PALLD: variants seen among roughly 807,000 people sequenced by gnomAD.
PALLD encodes palladin.
PALLD carries 61 observed loss-of-function variants against 123.5 expected under a neutral mutation model. That is an observed-to-expected ratio of 0.49 (90% CI 0.40 to 0.61). PALLD has a LOEUF of 0.61. Ranked by LOEUF, PALLD falls within the 20% of genes least tolerant of loss-of-function variation. PALLD has a pLI of 0.00. For synonymous variants in PALLD, 465 were observed against 496.4 expected (o/e 0.94, Z 0.84); for missense variants, 1,273 against 1,377.0 (o/e 0.92, Z 1.20).
intron 2 of PALLD, among the ~76,000 whole-genome samples, chr4:168,549,471 G>C (rs1469941600): frequency 6.6e-6 from 1 of 152,078 alleles, no homozygotes; most frequent in Non-Finnish European, 1.5e-5. Context: ...AAGTAAACAA[G>C]ATAGCATTAA....
intron 11 of PALLD, 118 bp downstream of exon 11, chr4:168,891,175 AT>A: frequency 9.4e-7 from 1 of 1,064,094 alleles, no homozygotes; most frequent in Non-Finnish European, 1.4e-6. Context: ...TATTATTATT[AT>A]TTTTGAGACA....
In PALLD at chr4:168,625,502, G is replaced by GATAGATAGATAGATATATATATAT; in HGVS notation, c.909-42685_909-42684insGATAGATAGATATATATATATATA. The stretch of plus-strand genomic sequence containing the variant: ...TCCAATAAGGGATTAATATCCAGGA[G>GATAGATAGATAGATATATATATAT]ATATATATATATATATCCTATAAGG... On this transcript the variant is annotated intron_variant, in intron 2 of 21. Coordinates refer to ENST00000505667, the MANE Select transcript of PALLD (RefSeq NM_001166108.2). 9.3e-4 allele frequency among the ~76,000 whole-genome samples: 106 copies of GATAGATAGATAGATATATATATAT among 114,470 alleles called. 5 individuals carry two copies. The highest frequency in any genetic ancestry group is 3.1e-3 in the African/African-American group (94 of 30,028). 75.1% of individuals were successfully genotyped at this position (114,470 alleles called of 152,430 possible). A position where few individuals can be genotyped will look rare whatever the true frequency, so the allele number is the denominator to read the frequency against.
At chr4:168,597,925 CAAT>C (rs1343871420) in intron 2 of PALLD, among the ~76,000 whole-genome samples, 6 of 151,914 alleles carry the variant, frequency 3.9e-5, no homozygotes, top group Admixed American at 2.0e-4. Context: ...TTGTCCATGC[CAAT>C]ATTTCTGTCA....
At chr4:168,872,951 A>G (rs1560829589) in intron 10 of PALLD, among the ~76,000 whole-genome samples, 1 of 152,226 alleles carries the variant, frequency 6.6e-6, no homozygotes, top group Non-Finnish European at 1.5e-5. Context: ...TATTTTATAC[A>G]TTCCCAGAAT....
intron 2 of PALLD, among the ~76,000 whole-genome samples, chr4:168,590,412 T>C (rs1771287001): frequency 6.6e-6 from 1 of 152,208 alleles, no homozygotes; most frequent in Non-Finnish European, 1.5e-5. Flanking sequence ...CTAAGTATTT[T>C]TTCCAACAAA....
chr4:168,836,846 T>C (rs1362897180), intron 10 of PALLD, among the ~76,000 whole-genome samples: 3 of 152,136 alleles, frequency 2.0e-5, no homozygotes, highest in Admixed American at 6.5e-5. Flanking sequence ...TATTTAGTGG[T>C]TTCCCAGGCC....
intron 2 of PALLD, among the ~76,000 whole-genome samples, chr4:168,607,971 T>A (rs1236518167): frequency 6.6e-6 from 1 of 152,134 alleles, no homozygotes; most frequent in East Asian, 1.9e-4. Flanking sequence ...GTTCCTGCAG[T>A]CCAAGGGGCT....
chr4:168,546,682 G>A (rs1008262318), intron 2 of PALLD, among the ~76,000 whole-genome samples: 11 of 152,142 alleles, frequency 7.2e-5, no homozygotes, highest in Admixed American at 1.3e-4. Flanking sequence ...GAGGATACCC[G>A]CTGATACGTG....
intron 10 of PALLD, chr4:168,829,215 G>A (rs1743846181): frequency 6.6e-6 from 1 of 152,224 alleles, no homozygotes; most frequent in Admixed American, 6.5e-5. Flanking sequence ...AATCTTCATG[G>A]ATTTCGGCAC....
chr4:168,786,104 C>T (rs928268126), intron 10 of PALLD, among the ~76,000 whole-genome samples: 13 of 151,526 alleles, frequency 8.6e-5, no homozygotes, highest in Admixed American at 6.6e-5. Context: ...CCGAGGAGGG[C>T]GGATCATGTG....
At chr4:168,531,147 T>C (rs190146532) in intron 2 of PALLD, among the ~76,000 whole-genome samples, 2 of 152,344 alleles carry the variant, frequency 1.3e-5, no homozygotes, top group East Asian at 1.9e-4. Flanking sequence ...TTCTTGATTA[T>C]GTATGTGTGA....
At chr4:168,622,747 T>A (rs1224257828) in intron 2 of PALLD, among the ~76,000 whole-genome samples, 1 of 152,200 alleles carries the variant, frequency 6.6e-6, no homozygotes, top group African/African-American at 2.4e-5. Flanking sequence ...TCCTGACAGA[T>A]CATACTTCCG....
At chr4:168,811,460 C>T (rs1444915197) in intron 10 of PALLD, among the ~76,000 whole-genome samples, 4 of 152,286 alleles carry the variant, frequency 2.6e-5, no homozygotes, top group Admixed American at 1.3e-4. Flanking sequence ...GCTGGCCAGG[C>T]ATGATGGCAC....
intron 10 of PALLD, among the ~76,000 whole-genome samples, chr4:168,842,005 T>G (rs1561588271): frequency 6.6e-6 from 1 of 152,252 alleles, no homozygotes; most frequent in African/African-American, 2.4e-5. Flanking sequence ...TACTGTCATT[T>G]GAAGAGTTAG....
At chr4:168,921,365 C>G (rs1761452464) in intron 17 of PALLD, among the ~76,000 whole-genome samples, 169 bp from the exon 18 acceptor site, 1 of 140,628 alleles carries the variant, frequency 7.1e-6, no homozygotes, top group Non-Finnish European at 1.5e-5. Flanking sequence ...TGAGATTGTG[C>G]CACTGCACTC....
chr4:168,750,234 A>G (rs1201721479), intron 10 of PALLD, among the ~76,000 whole-genome samples: 2 of 152,178 alleles, frequency 1.3e-5, no homozygotes, highest in African/African-American at 2.4e-5. Context: ...GGCGTGAACC[A>G]ATGCGCCTGG....
At chr4:168,823,715 A>G (rs566946869) in intron 10 of PALLD, among the ~76,000 whole-genome samples, 2 of 152,316 alleles carry the variant, frequency 1.3e-5, no homozygotes, top group South Asian at 2.1e-4. Context: ...ATGTAACACT[A>G]CTTGGCCTAG....
At chr4:168,795,266 T>A (rs756340955) in intron 10 of PALLD, among the ~76,000 whole-genome samples, 1 of 152,214 alleles carries the variant, frequency 6.6e-6, no homozygotes, top group South Asian at 2.1e-4. Flanking sequence ...AAAGTACAAT[T>A]CCTGTCAGTG....
At chr4:168,503,531 C>A (rs1300554716) in intron 1 of PALLD, among the ~76,000 whole-genome samples, 4 of 151,614 alleles carry the variant, frequency 2.6e-5, no homozygotes, top group Non-Finnish European at 5.9e-5. Flanking sequence ...CCTGTAGTCC[C>A]AGCTACTCAG....
Sources: gnomAD v4.1 joint callset for allele counts (sites outside exome capture counted in the v4.1 genomes callset) on GRCh38, gnomAD v4.1.1 for gene constraint, MANE v1.5 for transcripts, NCBI Gene and HGNC (gene_info 2026-07-23, HGNC 2026-07-21) for gene names.